TBC1D16: variants seen among roughly 807,000 people sequenced by gnomAD.
The protein encoded by TBC1D16 is TBC1 domain family member 16, also known as CTD-2529O21.1.
In TBC1D16, 58 loss-of-function variants were observed where a neutral mutation model predicts 74.7. The ratio of observed to expected loss-of-function variants is 0.78; its 90% confidence interval spans 0.63 to 0.97. The LOEUF (loss-of-function observed/expected upper bound fraction) is 0.97. Among genes scored for constraint, TBC1D16 ranks in the 50% least tolerant of loss-of-function variants. The pLI is 0.00. For synonymous variants in TBC1D16, 493 were observed against 474.7 expected, an observed-to-expected ratio of 1.04 and a Z score of -0.50; for missense variants, 1,014 against 1,079.5, an observed-to-expected ratio of 0.94 and a Z score of 0.85.
Position 79,951,503 on chromosome 17 carries a change from A to C in TBC1D16, c.1036T>G (p.Ser346Ala). Residue 346 changes from serine to alanine, a missense_variant, in exon 5 of 12, where the codon TCT becomes GCT. Physicochemically the swap from Ser to Ala is moderately conservative, Grantham distance 99 (BLOSUM62 1). Transcript: ENST00000310924. ...HFHHGGLDKLSDVFQQWKYCT... is the reference protein window; with the variant it reads ...HFHHGGLDKLADVFQQWKYCT... Reference sequence around the variant, plus strand: ...TATTTCCACTGCTGGAACACGTCAGACAGCTTGTCCAGGCCGCCGTGGTGG... The same window carrying C: ...TATTTCCACTGCTGGAACACGTCAGCCAGCTTGTCCAGGCCGCCGTGGTGG... 1 of 1,614,038 alleles carries C rather than the reference A, an allele frequency of 6.2e-7. No homozygotes were observed. The highest frequency in any genetic ancestry group is 8.5e-7 in the Non-Finnish European group (1 of 1,179,990).
Position 79,983,296 on chromosome 17 carries a change from C to T in TBC1D16, c.779+26864G>A, listed in dbSNP as rs1371525211. Among the ~76,000 whole-genome samples the T allele has an allele frequency of 1.3e-5, 2 of 152,226 alleles. No individual in the cohort carries two copies. Among genetic ancestry groups the T allele is most frequent in the East Asian group, 1.9e-4 (1 of 5,186 alleles). ...TCAGGGACTCTCAGCTGGCCCCACC[C>T]CAGGAAATGCAGTCGGTGTGTCTTA... On this transcript the variant is annotated intron_variant, in intron 3 of 11. Coordinates refer to ENST00000310924, the MANE Select transcript of TBC1D16 (RefSeq NM_019020.4). This position sits in a 1 kb window ranked among gnomAD's most constrained non-coding sequence, Gnocchi z 5.6.
At chr17:79,973,757 G>A (rs1245117681) in intron 3 of TBC1D16, among the ~76,000 whole-genome samples, 1 of 151,674 alleles carries the variant, frequency 6.6e-6, no homozygotes, top group African/African-American at 2.4e-5. Context: ...ATCCAGGCAT[G>A]GTGGTGCATG....
rs1279702357 is a variant in TBC1D16 at position 79,948,968 on chromosome 17, C to T, written c.1445G>A (p.Arg482His). ...TTTGTCCACAGTGAACTGCACATTACGCCAGAACGCTCTGTGCTCCTCGGG... is the reference window on the plus strand; with the variant it reads ...TTTGTCCACAGTGAACTGCACATTATGCCAGAACGCTCTGTGCTCCTCGGG... ...MTPEEHRAFW[R>H]NVQFTVDKDV... Residue 482 changes from arginine to histidine, a missense_variant, in exon 8 of 12, where the codon CGT (arginine) becomes CAT (histidine). Coordinates refer to ENST00000310924, the MANE Select transcript of TBC1D16 (RefSeq NM_019020.4). 3.7e-6 allele frequency: 6 copies of T among 1,614,170 alleles called. No homozygotes were observed. Among genetic ancestry groups the T allele is most frequent in the East Asian group, 4.5e-5 (2 of 44,880 alleles).
rs1435953250 is a variant in TBC1D16 at position 79,937,013 on chromosome 17, A to T, written c.*3846T>A. ...CTGCAGGGGCCCCTGCAGAGCATAC[A>T]GGGAGGTGCTTCCTTCCCTCTGCCC... On this transcript the variant is annotated 3_prime_UTR_variant, in exon 12 of 12. Transcript: ENST00000310924. The T allele has an allele frequency of 6.6e-6, 1 of 151,932 alleles. No homozygotes were observed. The highest frequency in any genetic ancestry group is 1.5e-5 in the Non-Finnish European group (1 of 68,008). The allele number at this position is 151,932 out of a possible 1,614,324, so 9.4% of individuals were successfully genotyped here.
intron 3 of TBC1D16, among the ~76,000 whole-genome samples, chr17:79,964,851 G>C (rs927778430): frequency 1.3e-5 from 2 of 152,074 alleles, no homozygotes; most frequent in African/African-American, 4.8e-5. Context: ...AATGAGGAAA[G>C]TAGGTTGCAA....
At position 79,994,081 on chromosome 17, in the gene TBC1D16, G is replaced by A. The variant is rs1352143747; in HGVS notation, c.779+16079C>T. On this transcript the variant is annotated intron_variant, in intron 3 of 11. Coordinates refer to ENST00000310924, the MANE Select transcript of TBC1D16 (RefSeq NM_019020.4). This position sits in a 1 kb window ranked among gnomAD's most constrained non-coding sequence, Gnocchi z 4.6. ...TCCTTCTTTTTGGTTCAGGAGGTTTGAGGCACTTATTTCCTCCCTGTCCTG... is the reference window on the plus strand; with the variant it reads ...TCCTTCTTTTTGGTTCAGGAGGTTTAAGGCACTTATTTCCTCCCTGTCCTG... Among the ~76,000 whole-genome samples the A allele has an allele frequency of 6.6e-6, 1 of 152,128 alleles. No homozygotes were observed. The highest frequency in any genetic ancestry group is 1.5e-5 in the Non-Finnish European group (1 of 68,032).
chr17:80,019,449 G>A lies in TBC1D16; in HGVS notation c.-62-5840C>T, dbSNP rs529321507. On this transcript the variant is annotated intron_variant, in intron 1 of 11. Transcript: ENST00000310924. ...TGGGACACCAGGACAACCCCCCCCCGCCCCTCCCAGATTGTTCTGGAGAGA... is the reference window on the plus strand; with the variant it reads ...TGGGACACCAGGACAACCCCCCCCCACCCCTCCCAGATTGTTCTGGAGAGA... 1.3e-3 allele frequency among the ~76,000 whole-genome samples: 86 copies of A among 67,936 alleles called. 2 individuals carry two copies. The highest frequency in any genetic ancestry group is 2.2e-3 in the Non-Finnish European group (72 of 33,054). The allele number at this position is 67,936 out of a possible 152,430, so 44.6% of individuals were successfully genotyped here.
rs1384501731 is a variant in TBC1D16, at chr17:79,993,401, G to A, written c.779+16759C>T. Among the ~76,000 whole-genome samples the A allele has an allele frequency of 2.0e-5, 3 of 152,204 alleles. No individual in the cohort carries two copies. The highest frequency in any genetic ancestry group is 2.0e-4 in the Admixed American group (3 of 15,282). Reference sequence around the variant, plus strand: ...AAAGCAGATTCCCTGAGGCCAGGAGGCACTTAGGTGGACGGGCACCAGGAG... The same window carrying A: ...AAAGCAGATTCCCTGAGGCCAGGAGACACTTAGGTGGACGGGCACCAGGAG... On this transcript the variant is annotated intron_variant, in intron 3 of 11. Coordinates refer to ENST00000310924, the MANE Select transcript of TBC1D16 (RefSeq NM_019020.4). This position sits in a 1 kb window ranked among gnomAD's most constrained non-coding sequence, Gnocchi z 5.1.
chr17:79,993,475 G>A lies in TBC1D16; in HGVS notation c.779+16685C>T, dbSNP rs1568618911. On this transcript the variant is annotated intron_variant, in intron 3 of 11. Coordinates refer to ENST00000310924, the MANE Select transcript of TBC1D16 (RefSeq NM_019020.4). The surrounding 1 kb of genome is among the most constrained non-coding windows in gnomAD (Gnocchi z 5.1). ...TGTTTAGGGAACATTGTTCAGACTGGAAGGAAGAGCCACGTGAAAATGCCC... is the reference window on the plus strand; with the variant it reads ...TGTTTAGGGAACATTGTTCAGACTGAAAGGAAGAGCCACGTGAAAATGCCC... The A allele has an allele frequency of 6.6e-6, 1 of 152,264 alleles. No individual in the cohort carries two copies. Among genetic ancestry groups the A allele is most frequent in the Non-Finnish European group, 1.5e-5 (1 of 68,078 alleles). 9.4% of individuals were successfully genotyped at this position (152,264 alleles called of 1,614,324 possible).
At chr17:80,016,250 CA>C (rs1429044923) in intron 1 of TBC1D16, among the ~76,000 whole-genome samples, 1 of 147,174 alleles carries the variant, frequency 6.8e-6, no homozygotes, top group African/African-American at 2.5e-5. Flanking sequence ...TGGTGGGTGC[CA>C]GGGGGTGAGG....
At chr17:80,020,313 G>T (rs1182738894) in intron 1 of TBC1D16, among the ~76,000 whole-genome samples, 2 of 150,010 alleles carry the variant, frequency 1.3e-5, no homozygotes, top group East Asian at 3.9e-4. Context: ...GCCAGGTGTG[G>T]TGGCTCACGC....
At chr17:79,958,211 G>A (rs892780421) in intron 3 of TBC1D16, among the ~76,000 whole-genome samples, 1 of 147,710 alleles carries the variant, frequency 6.8e-6, no homozygotes, top group South Asian at 2.2e-4. Flanking sequence ...AATATAAACT[G>A]ACCAATTTTT....
rs1457581305 is a variant in TBC1D16 at position 79,936,917 on chromosome 17, T to TGTGC, written c.*3941_*3942insGCAC. 11,147 of 99,694 alleles carry TGTGC rather than the reference T, an allele frequency of 0.11. 507 individuals carry two copies. Among genetic ancestry groups the TGTGC allele is most frequent in the Non-Finnish European group, 0.17 (7,703 of 46,010 alleles). The allele number at this position is 99,694 out of a possible 1,614,324, so 6.2% of individuals were successfully genotyped here. On this transcript the variant is annotated 3_prime_UTR_variant, in exon 12 of 12. Transcript: ENST00000310924. ...GTGCGTGTGTGCATGTGCGTGTGTG[T>TGTGC]GTGTGTGTGTGTGTGTGTGTGTGCG...
In TBC1D16 at chr17:79,944,783, TGG is replaced by T; in HGVS notation, c.1908+123_1908+124del. ...GTGGGACGGGAAGGCAGTCGCCGTA[TGG>T]GGGGCTAATGTGTGGCTGTGGGTGG... On this transcript the variant is annotated intron_variant, in intron 10 of 11. Coordinates refer to ENST00000310924, the MANE Select transcript of TBC1D16 (RefSeq NM_019020.4). The surrounding 1 kb of genome is among the most constrained non-coding windows in gnomAD (Gnocchi z 7.7). 2.3e-6 allele frequency: 2 copies of T among 873,612 alleles called. No homozygotes were observed. The highest frequency in any genetic ancestry group is 3.4e-6 in the Non-Finnish European group (2 of 589,790). The allele number at this position is 873,612 out of a possible 1,614,324, so 54.1% of individuals were successfully genotyped here. A position where few individuals can be genotyped will look rare whatever the true frequency, so the allele number is the denominator to read the frequency against.
In TBC1D16 at chr17:79,956,015, C is replaced by G. The variant is rs935355778; in HGVS notation, c.780-3197G>C. 2.0e-5 allele frequency among the ~76,000 whole-genome samples: 3 copies of G among 152,228 alleles called. No individual in the cohort carries two copies. The highest frequency in any genetic ancestry group is 7.2e-5 in the African/African-American group (3 of 41,452). ...GTTCTGGGGCCTAGGCAGCCCCTCA[C>G]TCTTCCTCTTGGCACAGTGCAGGCA... On this transcript the variant is annotated intron_variant, in intron 3 of 11. Transcript: ENST00000310924. This position sits in a 1 kb window ranked among gnomAD's most constrained non-coding sequence, Gnocchi z 4.0.
chr17:79,952,259 C>T (rs560548179), intron 4 of TBC1D16: 15 of 171,634 alleles, frequency 8.7e-5, no homozygotes, highest in African/African-American at 3.1e-4. Context: ...CCACCCATCA[C>T]GAAAGGAAGG....
intron 3 of TBC1D16, among the ~76,000 whole-genome samples, chr17:79,960,270 AAC>A (rs2033534373): frequency 6.6e-6 from 1 of 152,196 alleles, no homozygotes; most frequent in Non-Finnish European, 1.5e-5. Context: ...GTAATAAGAA[AAC>A]ACAATCCAAA....
At chr17:79,955,008 G>A (rs115612520) in intron 3 of TBC1D16, among the ~76,000 whole-genome samples, 3,635 of 152,232 alleles carry the variant, frequency 0.024, 149 homozygotes, top group African/African-American at 0.084. Context: ...GTCCCCTGGA[G>A]GGCCGGAGCC....
intron 3 of TBC1D16, among the ~76,000 whole-genome samples, chr17:79,977,869 C>T (rs887437212): frequency 5.9e-5 from 9 of 152,218 alleles, no homozygotes; most frequent in Non-Finnish European, 1.2e-4. Flanking sequence ...GCGATTGATG[C>T]GGCTGCCAGT....
Sources: gnomAD v4.1 joint callset for allele counts (sites outside exome capture counted in the v4.1 genomes callset) on GRCh38, gnomAD v4.1.1 for gene constraint, Gnocchi (gnomAD v3.1) non-coding constraint, MANE v1.5 for transcripts, NCBI Gene and HGNC (gene_info 2026-07-23, HGNC 2026-07-21) for gene names.